Variants in ACTN4 observed in about 807,000 individuals in gnomAD.
The protein encoded by ACTN4 is alpha-actinin-4.
A neutral mutation model predicts 114.2 loss-of-function variants in ACTN4; 18 were observed. The ratio of observed to expected loss-of-function variants is 0.16; its 90% CI spans 0.11 to 0.23. The LOEUF (loss-of-function observed/expected upper bound fraction) is 0.23. Among genes scored for constraint, ACTN4 ranks in the 10% least tolerant of loss-of-function variants. The pLI, the probability that ACTN4 is intolerant of heterozygous loss-of-function variation, is 1.00. For missense variants in ACTN4, 722 were observed against 1,262.9 expected (o/e 0.57, Z 6.49); for synonymous variants, 515 against 506.3 (o/e 1.02, Z -0.23).
chr19:38,713,536 C>T (rs1968734132), intron 8 of ACTN4, among the ~76,000 whole-genome samples: 1 of 152,320 alleles, frequency 6.6e-6, no homozygotes, highest in Non-Finnish European at 1.5e-5. Flanking sequence ...TGTCCCGCAG[C>T]ATGGCGCGGG....
rs1226543967 is a variant in ACTN4, at chr19:38,724,303, C to T, written c.1839C>T (p.Thr613=). The change falls in exon 15 of 21, where the codon ACC becomes ACT. Residue 613 remains threonine (T), a synonymous_variant. Coordinates refer to ENST00000252699, the MANE Select transcript of ACTN4 (RefSeq NM_004924.6). The surrounding 1 kb of genome is among the most constrained non-coding windows in gnomAD (Gnocchi z 7.0). The part of the protein sequence containing the change: ...IKLSGSNPYT[T]VTPQIINSKW... ...TGTCGGGCAGCAACCCCTACACCAC[C>T]GTCACCCCGCAAATCATCAACTCCA... 1.5e-5 allele frequency: 25 copies of T among 1,613,742 alleles called. No homozygotes were observed. Among genetic ancestry groups the T allele is most frequent in the Non-Finnish European group, 2.0e-5 (24 of 1,180,032 alleles).
At chr19:38,664,536 G>T (rs141024290) in intron 1 of ACTN4, among the ~76,000 whole-genome samples, 1 of 152,304 alleles carries the variant, frequency 6.6e-6, no homozygotes, top group East Asian at 1.9e-4. Flanking sequence ...TCATCCAGGA[G>T]AACTCCAGCC....
At chr19:38,726,513 A>T (rs1452930828) in intron 17 of ACTN4, among the ~76,000 whole-genome samples, 2 of 152,116 alleles carry the variant, frequency 1.3e-5, no homozygotes, top group Non-Finnish European at 1.5e-5. Context: ...AGCAGCTCCC[A>T]CTGGCTAACA....
chr19:38,728,409 CGCTCCTCCT>C lies in ACTN4; in HGVS notation c.2418+384_2418+392del, dbSNP rs1969324017. The C allele has an allele frequency of 5.5e-6, 5 of 910,612 alleles. 1 individual carries two copies. The South Asian group carries it at 8.7e-5, about 16-fold the overall frequency. 56.4% of individuals were successfully genotyped at this position (910,612 alleles called of 1,614,324 possible). On this transcript the variant is annotated intron_variant, in intron 19 of 20. Coordinates refer to ENST00000252699, the MANE Select transcript of ACTN4 (RefSeq NM_004924.6). Reference sequence around the variant, plus strand: ...ATGCAGCTCTGTCTCCCCAGCCACCCGCTCCTCCTCCTCCTCCTCCTCCTCCTCCTCCTC... The same window carrying C: ...ATGCAGCTCTGTCTCCCCAGCCACCCCCTCCTCCTCCTCCTCCTCCTCCTC...
rs557036181 is a variant in ACTN4, at chr19:38,714,567, T to A, written c.912+6T>A. On this transcript the variant is annotated splice_donor_region_variant and intron_variant, in intron 9 of 20. Coordinates refer to ENST00000252699, the MANE Select transcript of ACTN4 (RefSeq NM_004924.6). ...ACGAGAAGCTGGCCAGCGACGTGAG[T>A]GTTCCCCCAGTGAAAGTCAGGGCCA... 2.3e-5 allele frequency: 37 copies of A among 1,613,736 alleles called. 1 individual carries two copies. In the South Asian group the frequency reaches 3.6e-4, roughly 16 times the overall value.
In ACTN4 at chr19:38,727,634, C is replaced by CCG. The variant is rs1969284046; in HGVS notation, c.2338-311_2338-310insGC. Among the ~76,000 whole-genome samples, 1 of 140,134 alleles carries CCG rather than the reference C, an allele frequency of 7.1e-6. No individual in the cohort carries two copies. The highest frequency in any genetic ancestry group is 2.9e-4 in the South Asian group (1 of 3,396). 91.9% of individuals were successfully genotyped at this position (140,134 alleles called of 152,430 possible). A position where few individuals can be genotyped will look rare whatever the true frequency, so the allele number is the denominator to read the frequency against. On this transcript the variant is annotated intron_variant, in intron 18 of 20. Transcript: ENST00000252699. The surrounding 1 kb of genome is among the most constrained non-coding windows in gnomAD (Gnocchi z 5.4). ...ATCCCAAAGGCAAGGAGAACCCCCC[C>CCG]CCCGACCCTCCACCAGTCCTGGGAC...
At chr19:38,658,721 T>A (rs1022398709) in intron 1 of ACTN4, among the ~76,000 whole-genome samples, 1 of 152,192 alleles carries the variant, frequency 6.6e-6, no homozygotes, top group Non-Finnish European at 1.5e-5. Context: ...GGCAGTCAGA[T>A]GAATCGACCC....
rs1968777560 is a variant in ACTN4 at position 38,714,573 on chromosome 19, C to T, written c.912+12C>T. 6.2e-7 allele frequency: 1 copy of T among 1,613,572 alleles called. No individual in the cohort carries two copies. Among genetic ancestry groups the T allele is most frequent in the Non-Finnish European group, 8.5e-7 (1 of 1,179,830 alleles). ...AGCTGGCCAGCGACGTGAGTGTTCC[C>T]CCAGTGAAAGTCAGGGCCACCTCAT... On this transcript the variant is annotated intron_variant, in intron 9 of 20. Transcript: ENST00000252699.
At chr19:38,725,448 C>T (rs1288514285) in intron 16 of ACTN4, among the ~76,000 whole-genome samples, 4 of 152,228 alleles carry the variant, frequency 2.6e-5, no homozygotes, top group African/African-American at 7.2e-5. Context: ...GCCCTGGCCT[C>T]ACAGAGAGGT....
chr19:38,707,116 A>G (rs1968487787), intron 5 of ACTN4, among the ~76,000 whole-genome samples: 1 of 152,176 alleles, frequency 6.6e-6, no homozygotes, highest in African/African-American at 2.4e-5. Flanking sequence ...TGCTGGGTAC[A>G]GAGGGCTTTT....
At chr19:38,658,450 C>T (rs528503957) in intron 1 of ACTN4, among the ~76,000 whole-genome samples, 1 of 152,324 alleles carries the variant, frequency 6.6e-6, no homozygotes, top group Admixed American at 6.5e-5. Flanking sequence ...CCTCCCTAAT[C>T]CAAATCTAAC....
chr19:38,700,489 C>T (rs1968235331), intron 1 of ACTN4, 111 bp from the exon 2 acceptor site: 2 of 856,682 alleles, frequency 2.3e-6, no homozygotes, highest in Non-Finnish European at 4.0e-6. Flanking sequence ...GGCGAGTGCT[C>T]CGTGGCAGCT....
At chr19:38,709,289 A>G in intron 6 of ACTN4, 106 bp from the exon 7 acceptor site, 1 of 856,948 alleles carries the variant, frequency 1.2e-6, no homozygotes, top group Non-Finnish European at 2.0e-6. Flanking sequence ...AGAAACCCCC[A>G]ACCCTCGCCC....
intron 1 of ACTN4, among the ~76,000 whole-genome samples, chr19:38,652,255 A>T (rs1418029567): frequency 6.6e-6 from 1 of 152,164 alleles, no homozygotes; most frequent in African/African-American, 2.4e-5. Flanking sequence ...TATGTGTGAG[A>T]GGCAAGTATA....
At chr19:38,672,858 C>T (rs921298919) in intron 1 of ACTN4, among the ~76,000 whole-genome samples, 1 of 152,156 alleles carries the variant, frequency 6.6e-6, no homozygotes. Flanking sequence ...CAGGCGTGAG[C>T]CACCATGCCC....
chr19:38,678,468 G>T (rs539413211), intron 1 of ACTN4, among the ~76,000 whole-genome samples: 1 of 152,284 alleles, frequency 6.6e-6, no homozygotes, highest in Non-Finnish European at 1.5e-5. Context: ...ATTGGGCTGA[G>T]CCTCGAGACC....
chr19:38,706,950 T>G (rs1290091767), intron 5 of ACTN4, among the ~76,000 whole-genome samples: 1 of 152,172 alleles, frequency 6.6e-6, no homozygotes, highest in Non-Finnish European at 1.5e-5. Flanking sequence ...GAGGCAGGCC[T>G]GCCTGGTGGT....
intron 1 of ACTN4, among the ~76,000 whole-genome samples, chr19:38,691,708 G>T (rs1255091688): frequency 6.6e-6 from 1 of 152,080 alleles, no homozygotes; most frequent in East Asian, 1.9e-4. Flanking sequence ...TTCGAGACCA[G>T]CCTGGCCAAC....
intron 1 of ACTN4, among the ~76,000 whole-genome samples, chr19:38,696,148 T>C (rs1225129296): frequency 6.6e-6 from 1 of 152,160 alleles, no homozygotes; most frequent in Non-Finnish European, 1.5e-5. Context: ...TTATTGCTGT[T>C]ATTATTACCA....
Sources: allele counts gnomAD v4.1 joint callset (sites outside exome capture counted in the v4.1 genomes callset), GRCh38; gene constraint gnomAD v4.1.1; non-coding constraint Gnocchi (gnomAD v3.1); transcripts MANE v1.5; gene names NCBI Gene and HGNC (gene_info 2026-07-23, HGNC 2026-07-21).